Variants in SPAG16 observed in about 807,000 individuals in gnomAD.
The protein encoded by SPAG16 is sperm-associated antigen 16 protein.
In SPAG16, 86 loss-of-function variants were observed where a neutral mutation model predicts 80.4. That is an observed-to-expected ratio of 1.07 (90% CI 0.90 to 1.28). The LOEUF is 1.28. Among genes scored for constraint, SPAG16 ranks in the 50% most tolerant of loss-of-function variants. SPAG16 has a pLI of 0.00. For missense variants in SPAG16, 870 were observed against 765.3 expected, an observed-to-expected ratio of 1.14 and a Z score of -1.61; for synonymous variants, 294 against 265.9, an observed-to-expected ratio of 1.11 and a Z score of -1.03.
chr2:213,762,816 A>G (rs528367717), intron 10 of SPAG16, among the ~76,000 whole-genome samples: 1 of 152,324 alleles, frequency 6.6e-6, no homozygotes, highest in South Asian at 2.1e-4. Flanking sequence ...TCTGTACAAC[A>G]AAGGAAGCAA....
intron 10 of SPAG16, among the ~76,000 whole-genome samples, chr2:213,784,720 A>T (rs2070227769): frequency 1.3e-5 from 2 of 151,726 alleles, no homozygotes; most frequent in Non-Finnish European, 2.9e-5. Flanking sequence ...ATATAATGGA[A>T]AGAAAAGAGA....
chr2:213,938,450 T>C (rs923914752), intron 12 of SPAG16, among the ~76,000 whole-genome samples: 3 of 151,934 alleles, frequency 2.0e-5, no homozygotes, highest in African/African-American at 7.2e-5. Context: ...ATGAAGTGAG[T>C]TTATTCAGCT....
intron 8 of SPAG16, among the ~76,000 whole-genome samples, chr2:213,367,617 C>T (rs1575389571): frequency 2.6e-5 from 4 of 152,014 alleles, no homozygotes; most frequent in African/African-American, 9.7e-5. Context: ...ATCCTTCACC[C>T]ACTTGTTGAT....
At chr2:213,632,226 A>T (rs1209535955) in intron 10 of SPAG16, among the ~76,000 whole-genome samples, 1 of 151,894 alleles carries the variant, frequency 6.6e-6, no homozygotes, top group Non-Finnish European at 1.5e-5. Context: ...ATTTAATTTT[A>T]TGTGTGGCTA....
At chr2:213,466,606 C>T (rs528162177) in intron 9 of SPAG16, among the ~76,000 whole-genome samples, 1 of 152,128 alleles carries the variant, frequency 6.6e-6, no homozygotes, top group South Asian at 2.1e-4. Context: ...CCCTGGTCTC[C>T]TCTGACAAGA....
intron 15 of SPAG16, among the ~76,000 whole-genome samples, chr2:214,372,967 CA>C (rs1221692633): frequency 6.6e-6 from 1 of 152,124 alleles, no homozygotes; most frequent in Non-Finnish European, 1.5e-5. Flanking sequence ...TGATGCTCTG[CA>C]ATGACAAAGC....
At chr2:213,420,778 T>A (rs1050359932) in intron 9 of SPAG16, among the ~76,000 whole-genome samples, 3 of 152,362 alleles carry the variant, frequency 2.0e-5, no homozygotes, top group African/African-American at 2.4e-5. Context: ...GTTAGTTTTT[T>A]AAATTCTTTT....
intron 14 of SPAG16, among the ~76,000 whole-genome samples, chr2:214,127,504 G>A (rs1415817346): frequency 2.0e-5 from 3 of 151,870 alleles, no homozygotes; most frequent in Non-Finnish European, 4.4e-5. Context: ...GTCTATCCAA[G>A]GAGGAGGAGA....
At chr2:213,383,552 G>A (rs1169062533) in intron 9 of SPAG16, among the ~76,000 whole-genome samples, 1 of 152,102 alleles carries the variant, frequency 6.6e-6, no homozygotes, top group East Asian at 1.9e-4. Flanking sequence ...TGCCACTTGA[G>A]TGTATACCAT....
At chr2:213,923,233 G>A (rs935707520) in intron 11 of SPAG16, among the ~76,000 whole-genome samples, 3 of 152,172 alleles carry the variant, frequency 2.0e-5, no homozygotes, top group Non-Finnish European at 4.4e-5. Context: ...GAGCTTCCTA[G>A]GACAATAGGA....
intron 15 of SPAG16, among the ~76,000 whole-genome samples, chr2:214,223,970 G>A (rs773037069): frequency 6.6e-6 from 1 of 152,158 alleles, no homozygotes; most frequent in Non-Finnish European, 1.5e-5. Context: ...AGCAGAATGG[G>A]TAAAGTGAAT....
At chr2:213,360,761 A>C (rs527689136) in intron 7 of SPAG16, among the ~76,000 whole-genome samples, 1 of 152,244 alleles carries the variant, frequency 6.6e-6, no homozygotes, top group Non-Finnish European at 1.5e-5. Flanking sequence ...AAAATATCTT[A>C]AAATATGTGA....
chr2:214,102,752 G>A (rs2053136831), intron 13 of SPAG16, among the ~76,000 whole-genome samples: 1 of 151,514 alleles, frequency 6.6e-6, no homozygotes, highest in South Asian at 2.1e-4. Flanking sequence ...GAAAGAATTC[G>A]ACTGAGGGGC....
intron 10 of SPAG16, among the ~76,000 whole-genome samples, chr2:213,784,747 T>TCTTACACC (rs1442065724): frequency 6.6e-6 from 1 of 151,804 alleles, no homozygotes; most frequent in African/African-American, 2.4e-5. Context: ...TGTCCTAAAG[T>TCTTACACC]TCTTACACCT....
intron 10 of SPAG16, among the ~76,000 whole-genome samples, chr2:213,808,034 GGAAA>G (rs1446741027): frequency 6.6e-6 from 1 of 151,230 alleles, no homozygotes; most frequent in African/African-American, 2.4e-5. Flanking sequence ...CAAGAAACAC[GGAAA>G]GAATGAGACA....
intron 10 of SPAG16, among the ~76,000 whole-genome samples, chr2:213,512,144 G>A (rs2075251434): frequency 6.6e-6 from 1 of 152,098 alleles, no homozygotes; most frequent in Admixed American, 6.5e-5. Context: ...CAAATTTTCA[G>A]TGGCACTGAA....
chr2:213,669,853 T>C (rs751601838), intron 10 of SPAG16, among the ~76,000 whole-genome samples: 1 of 152,166 alleles, frequency 6.6e-6, no homozygotes, highest in Admixed American at 6.5e-5. Flanking sequence ...ACTTTGCCTC[T>C]TAGTGACTTT....
intron 10 of SPAG16, among the ~76,000 whole-genome samples, chr2:213,829,436 C>G (rs75626363): frequency 4.6e-5 from 7 of 151,966 alleles, no homozygotes; most frequent in African/African-American, 1.5e-4. Flanking sequence ...GAAAAGCCAT[C>G]TAAGAGTCAA....
rs955976450 is a variant in SPAG16, at chr2:213,651,908, A to G, written c.1070+161818A>G. Among the ~76,000 whole-genome samples the G allele has an allele frequency of 9.9e-5, 15 of 152,176 alleles. 1 individual carries two copies. The highest frequency in any genetic ancestry group is 3.6e-4 in the African/African-American group (15 of 41,450). On this transcript the variant is annotated intron_variant, in intron 10 of 15. Transcript: ENST00000331683. ...CAAATAGTAAATCAAATATAATTTT[A>G]TATAGGTTTGAGAAATTTCTGCATT...
Sources: gnomAD v4.1 joint callset for allele counts (sites outside exome capture counted in the v4.1 genomes callset) on GRCh38, gnomAD v4.1.1 for gene constraint, MANE v1.5 for transcripts, NCBI Gene and HGNC (gene_info 2026-07-23, HGNC 2026-07-21) for gene names.